Variants in PREX1 observed in about 807,000 individuals in gnomAD.
The protein encoded by PREX1 is phosphatidylinositol-3,4,5-trisphosphate dependent Rac exchange factor 1.
In PREX1, 41 loss-of-function variants were observed where a neutral mutation model predicts 198.3. The ratio of observed to expected loss-of-function variants is 0.21; its 90% CI spans 0.16 to 0.27. The LOEUF is 0.27. PREX1 is among the 10% of genes least tolerant of loss of function. The pLI is 1.00. For synonymous variants in PREX1, 843 were observed against 887.2 expected (o/e 0.95, Z 0.89); for missense variants, 1,620 against 2,200.7 (o/e 0.74, Z 5.28).
chr20:48,785,905 G>A (rs904062445), intron 1 of PREX1, among the ~76,000 whole-genome samples: 5 of 152,364 alleles, frequency 3.3e-5, no homozygotes, highest in African/African-American at 9.6e-5. Flanking sequence ...CTAGCAAAGG[G>A]AGACAGACAA....
intron 1 of PREX1, among the ~76,000 whole-genome samples, chr20:48,797,854 G>A (rs2122998045): frequency 6.6e-6 from 1 of 152,312 alleles, no homozygotes; most frequent in Admixed American, 6.5e-5. Flanking sequence ...GTCGATGACA[G>A]GCCTGCAGTC....
the PREX1 span, among the ~76,000 whole-genome samples, chr20:48,837,065 T>C: frequency 6.6e-6 from 1 of 151,884 alleles, no homozygotes. Context: ...AACTGAAGCA[T>C]AGGAAAATAC....
At chr20:48,715,359 T>C (rs1401603076) in intron 5 of PREX1, among the ~76,000 whole-genome samples, 1 of 152,230 alleles carries the variant, frequency 6.6e-6, no homozygotes, top group Non-Finnish European at 1.5e-5. Context: ...TGTAAGGTAG[T>C]AAGTTCCCCA....
intron 1 of PREX1, among the ~76,000 whole-genome samples, chr20:48,760,700 C>A (rs77360770): frequency 0.034 from 5,179 of 152,156 alleles, 159 homozygotes; most frequent in African/African-American, 0.077. Flanking sequence ...TCTAGGGGGA[C>A]AAGTCCTCTC....
intron 1 of PREX1, among the ~76,000 whole-genome samples, chr20:48,795,712 G>A (rs2090359238): frequency 6.6e-6 from 1 of 151,880 alleles, no homozygotes; most frequent in Non-Finnish European, 1.5e-5. Context: ...CAGAAGGAAG[G>A]GCCTGAAACT....
the PREX1 span, among the ~76,000 whole-genome samples, chr20:48,858,201 C>T: frequency 6.6e-6 from 1 of 152,366 alleles, no homozygotes; most frequent in African/African-American, 2.4e-5. Flanking sequence ...AGGCCTGCAA[C>T]TCCCCTTGGC....
chr20:48,783,531 C>A (rs566261467), intron 1 of PREX1, among the ~76,000 whole-genome samples: 165 of 152,288 alleles, frequency 1.1e-3, no homozygotes, highest in African/African-American at 3.8e-3. Flanking sequence ...ACAAAGGACA[C>A]AAGTGACATC....
At chr20:48,784,103 G>A (rs372998220) in intron 1 of PREX1, among the ~76,000 whole-genome samples, 24 of 152,164 alleles carry the variant, frequency 1.6e-4, no homozygotes, top group African/African-American at 5.6e-4. Context: ...AGGAGTCGCT[G>A]GCTCACAATG....
chr20:48,760,054 G>A (rs528283988), intron 1 of PREX1, among the ~76,000 whole-genome samples: 1 of 151,598 alleles, frequency 6.6e-6, no homozygotes, highest in Non-Finnish European at 1.5e-5. Flanking sequence ...AGAGGTTGCA[G>A]TGAGCCAAGA....
At chr20:48,630,972 G>T (rs189291893) in intron 35 of PREX1, among the ~76,000 whole-genome samples, 178 bp from the exon 36 acceptor site, 1 of 151,674 alleles carries the variant, frequency 6.6e-6, no homozygotes, top group Non-Finnish European at 1.5e-5. Context: ...TACAACAGCC[G>T]GGGGGGAAAG....
At chr20:48,644,927 G>T (rs2089439843) in intron 26 of PREX1, among the ~76,000 whole-genome samples, 1 of 152,234 alleles carries the variant, frequency 6.6e-6, no homozygotes, top group Non-Finnish European at 1.5e-5. Context: ...AACTCGGAAG[G>T]TGTGGGAGAT....
At chr20:48,805,923 G>T (rs1259861586) in intron 1 of PREX1, among the ~76,000 whole-genome samples, 1 of 152,146 alleles carries the variant, frequency 6.6e-6, no homozygotes, top group African/African-American at 2.4e-5. Flanking sequence ...CATCATCACT[G>T]CCGCCAAAGC....
intron 14 of PREX1, among the ~76,000 whole-genome samples, chr20:48,674,967 C>T (rs2089698545): frequency 6.6e-6 from 1 of 152,174 alleles, no homozygotes; most frequent in Non-Finnish European, 1.5e-5. Flanking sequence ...TGCCCAAGAC[C>T]ATCCCAGTTT....
the PREX1 span, among the ~76,000 whole-genome samples, chr20:48,855,085 C>A: frequency 6.6e-6 from 1 of 152,070 alleles, no homozygotes; most frequent in Non-Finnish European, 1.5e-5. Context: ...GATTATCATA[C>A]CGATTATTAT....
At chr20:48,660,775 G>A (rs1031748434) in intron 15 of PREX1, among the ~76,000 whole-genome samples, 17 of 152,164 alleles carry the variant, frequency 1.1e-4, no homozygotes, top group Admixed American at 6.5e-4. Flanking sequence ...AAATCAACTA[G>A]AAAAAGCTCA....
chr20:48,836,902 CAAA>C, the PREX1 span, among the ~76,000 whole-genome samples: 3 of 56,072 alleles, frequency 5.4e-5, no homozygotes, highest in Non-Finnish European at 9.3e-5. Flanking sequence ...ACTCTGTCTC[CAAA>C]AAAAAAAAAA....
chr20:48,850,688 T>C, the PREX1 span, among the ~76,000 whole-genome samples: 7 of 152,194 alleles, frequency 4.6e-5, no homozygotes, highest in Admixed American at 4.6e-4. Context: ...GACTACAGGA[T>C]CTGAGAGGAG....
intron 5 of PREX1, among the ~76,000 whole-genome samples, chr20:48,710,869 C>A (rs573433843): frequency 1.3e-5 from 2 of 152,332 alleles, no homozygotes; most frequent in African/African-American, 4.8e-5. Context: ...AGCAGGGAGG[C>A]CAGCGGAGCT....
intron 1 of PREX1, among the ~76,000 whole-genome samples, chr20:48,816,832 T>C (rs2090461304): frequency 6.6e-6 from 1 of 152,224 alleles, no homozygotes; most frequent in Admixed American, 6.5e-5. Context: ...GGCAGCCTCA[T>C]GAGACCTTCA....
Sources: allele counts gnomAD v4.1 joint callset (sites outside exome capture counted in the v4.1 genomes callset), GRCh38; gene constraint gnomAD v4.1.1; transcripts MANE v1.5; gene names NCBI Gene and HGNC (gene_info 2026-07-23, HGNC 2026-07-21).